Variants in TNS3 observed in about 807,000 individuals in gnomAD.
TNS3 encodes the protein tensin 3.
In TNS3, 45 loss-of-function variants were observed where a neutral mutation model predicts 140.9. The ratio of observed to expected loss-of-function variants is 0.32; its 90% CI spans 0.25 to 0.41. TNS3 has a LOEUF of 0.41. TNS3 is among the 10% of genes least tolerant of loss of function. TNS3 has a pLI of 1.00. For missense variants in TNS3, 1,716 were observed against 1,906.7 expected, an observed-to-expected ratio of 0.90 and a Z score of 1.86; for synonymous variants, 815 against 788.4, an observed-to-expected ratio of 1.03 and a Z score of -0.56.
chr7:47,541,474 G>A (rs551616868), intron 1 of TNS3, among the ~76,000 whole-genome samples: 46 of 152,214 alleles, frequency 3.0e-4, no homozygotes, highest in Non-Finnish European at 4.7e-4. Flanking sequence ...TTTTTGGCCA[G>A]AAAGTAAGAC....
chr7:47,509,167 G>C (rs1345166267), intron 2 of TNS3, among the ~76,000 whole-genome samples: 2 of 152,226 alleles, frequency 1.3e-5, no homozygotes, highest in Non-Finnish European at 1.5e-5. Context: ...TACATTCATG[G>C]TGGGTGGCCT....
intron 1 of TNS3, among the ~76,000 whole-genome samples, chr7:47,559,677 T>C (rs1355537372): frequency 6.6e-6 from 1 of 152,014 alleles, no homozygotes; most frequent in Non-Finnish European, 1.5e-5. Context: ...CCATCAAAGT[T>C]CACAGCATCC....
intron 20 of TNS3, among the ~76,000 whole-genome samples, chr7:47,316,185 A>G (rs1047647081): frequency 1.3e-5 from 2 of 149,210 alleles, no homozygotes; most frequent in African/African-American, 2.5e-5. Flanking sequence ...CGGGATTATT[A>G]TGCAGTTAAA....
chr7:47,430,370 T>A (rs935465490), intron 8 of TNS3, among the ~76,000 whole-genome samples: 1 of 151,928 alleles, frequency 6.6e-6, no homozygotes, highest in African/African-American at 2.4e-5. Context: ...TGTCAGGTGA[T>A]CCCCCCGCCT....
chr7:47,381,843 C>A lies in TNS3; in HGVS notation c.1025-12222G>T, dbSNP rs113968859. Among the ~76,000 whole-genome samples the A allele has an allele frequency of 2.1e-3, 325 of 152,258 alleles. 3 individuals carry two copies. Among genetic ancestry groups the A allele is most frequent in the African/African-American group, 7.1e-3 (293 of 41,536 alleles). On this transcript the variant is annotated intron_variant, in intron 16 of 30. Transcript: ENST00000311160. Reference sequence around the variant, plus strand: ...CTAACCCACCTTCCTATCAAGAGAACCGAAATTATTGTTACCATTCTGCAA... The same window carrying A: ...CTAACCCACCTTCCTATCAAGAGAAACGAAATTATTGTTACCATTCTGCAA...
chr7:47,459,824 A>G (rs1308409253), intron 4 of TNS3, among the ~76,000 whole-genome samples: 10 of 152,188 alleles, frequency 6.6e-5, no homozygotes, highest in Non-Finnish European at 1.5e-4. Context: ...GAGACTGACA[A>G]AATGCCTGGT....
At chr7:47,450,683 TACAGCCCAG>T (rs1795974556) in intron 4 of TNS3, among the ~76,000 whole-genome samples, 1 of 152,216 alleles carries the variant, frequency 6.6e-6, no homozygotes, top group Non-Finnish European at 1.5e-5. Context: ...GGCCTCTAGC[TACAGCCCAG>T]GCTGGCCAAA....
chr7:47,495,771 G>A (rs146810581), intron 3 of TNS3, among the ~76,000 whole-genome samples: 40 of 152,360 alleles, frequency 2.6e-4, no homozygotes, highest in Non-Finnish European at 4.9e-4. Flanking sequence ...AAGAATGACT[G>A]TAGTAGAAAT....
At chr7:47,371,946 T>C (rs564238989) in intron 16 of TNS3, among the ~76,000 whole-genome samples, 1 of 152,350 alleles carries the variant, frequency 6.6e-6, no homozygotes, top group Non-Finnish European at 1.5e-5. Context: ...TATGTAAAGG[T>C]TGACCTGAGA....
intron 16 of TNS3, among the ~76,000 whole-genome samples, chr7:47,387,298 T>C (rs960052437): frequency 3.9e-5 from 6 of 152,242 alleles, no homozygotes; most frequent in African/African-American, 1.2e-4. Flanking sequence ...AGACTGGGGC[T>C]GCTCCTTAAG....
intron 20 of TNS3, among the ~76,000 whole-genome samples, chr7:47,329,612 A>T (rs183210272): frequency 1.2e-4 from 19 of 152,236 alleles, no homozygotes; most frequent in East Asian, 1.9e-4. Context: ...CTGGTTGTTT[A>T]TGTGTTGCAG....
In TNS3 at chr7:47,391,891, A is replaced by G. The variant is rs576007320; in HGVS notation, c.1024+4909T>C. The stretch of plus-strand genomic sequence containing the variant: ...TGAGTCTCAAAGTCTCAAAGAGGAA[A>G]GTCAAGGGTATGAGCCCTGTCCCGC... On this transcript the variant is annotated intron_variant, in intron 16 of 30. Coordinates refer to ENST00000311160, the MANE Select transcript of TNS3 (RefSeq NM_022748.12). Among the ~76,000 whole-genome samples, 6 of 152,252 alleles carry G rather than the reference A, an allele frequency of 3.9e-5. No individual in the cohort carries two copies. The South Asian group carries it at 6.2e-4, about 16-fold the overall frequency.
chr7:47,368,371 G>A lies in TNS3; in HGVS notation c.2275C>T (p.Arg759Trp), dbSNP rs774253753. The A allele has an allele frequency of 2.0e-5, 29 of 1,483,268 alleles. No individual in the cohort carries two copies. The highest frequency in any genetic ancestry group is 2.0e-4 in the Middle Eastern group (1 of 5,010). The allele number at this position is 1,483,268 out of a possible 1,614,324, so 91.9% of individuals were successfully genotyped here. A position where few individuals can be genotyped will look rare whatever the true frequency, so the allele number is the denominator to read the frequency against. Residue 759 changes from arginine (R) to tryptophan (W), a missense_variant, in exon 17 of 31, where the codon CGG becomes TGG. By Grantham distance (101) the Arg-to-Trp change is moderately radical. Coordinates refer to ENST00000311160, the MANE Select transcript of TNS3 (RefSeq NM_022748.12). Reference sequence around the variant, plus strand: ...CCATGGAGACCCAGCTCACCTTGCCGCCCGGTGGCCCTGCTGGGGCCCTCT... The same window carrying A: ...CCATGGAGACCCAGCTCACCTTGCCACCCGGTGGCCCTGCTGGGGCCCTCT... The part of the protein sequence containing the change: ...TGEGPSRATG[R>W]QGSSAEQPLG...
chr7:47,472,839 T>C (rs1451832058), intron 4 of TNS3, among the ~76,000 whole-genome samples: 1 of 152,100 alleles, frequency 6.6e-6, no homozygotes, highest in Non-Finnish European at 1.5e-5. Flanking sequence ...TGGGCAATGA[T>C]GAGGCAGGAC....
chr7:47,439,381 T>G, intron 6 of TNS3, 106 bp downstream of exon 6: 10 of 1,300,854 alleles, frequency 7.7e-6, no homozygotes, highest in Non-Finnish European at 1.1e-5. Flanking sequence ...GCCCAGGCCC[T>G]TGAGCTTCTC....
chr7:47,380,625 T>C lies in TNS3; in HGVS notation c.1025-11004A>G, dbSNP rs139970380. Reference sequence around the variant, plus strand: ...TCTCCTCCTGGCTAGTACCAGCTCTTTTCCTCTGGAAGTCTTGGCAAGTTG... The same window carrying C: ...TCTCCTCCTGGCTAGTACCAGCTCTCTTCCTCTGGAAGTCTTGGCAAGTTG... On this transcript the variant is annotated intron_variant, in intron 16 of 30. Transcript: ENST00000311160. 5.7e-3 allele frequency among the ~76,000 whole-genome samples: 869 copies of C among 152,332 alleles called. 9 individuals carry two copies. The highest frequency in any genetic ancestry group is 0.018 in the African/African-American group (756 of 41,572).
intron 20 of TNS3, among the ~76,000 whole-genome samples, chr7:47,325,708 G>T (rs1008050086): frequency 2.6e-5 from 4 of 152,134 alleles, no homozygotes; most frequent in Non-Finnish European, 5.9e-5. Context: ...AACAAAATGG[G>T]CATGGTATTC....
intron 4 of TNS3, among the ~76,000 whole-genome samples, chr7:47,446,977 C>A (rs193002857): frequency 6.7e-6 from 1 of 148,356 alleles, no homozygotes; most frequent in Non-Finnish European, 1.5e-5. Context: ...CATGAGCTTC[C>A]GTGCCCGGCC....
intron 16 of TNS3, among the ~76,000 whole-genome samples, chr7:47,393,632 T>C (rs1792660141): frequency 1.3e-5 from 2 of 152,144 alleles, no homozygotes; most frequent in Non-Finnish European, 2.9e-5. Flanking sequence ...AACCAGGCAC[T>C]GGGAGGAGGC....
Sources: allele counts gnomAD v4.1 joint callset (sites outside exome capture counted in the v4.1 genomes callset), GRCh38; gene constraint gnomAD v4.1.1; transcripts MANE v1.5; gene names NCBI Gene and HGNC (gene_info 2026-07-23, HGNC 2026-07-21).